The following RANBP2 variants were observed in gnomAD, a reference collection of about 807,000 sequenced individuals.
RANBP2 encodes the protein RAN binding protein 2.
In RANBP2, 57 loss-of-function variants were observed where a neutral mutation model predicts 303.6. The ratio of observed to expected loss-of-function variants is 0.19; its 90% CI spans 0.15 to 0.23. The LOEUF is 0.23. Among genes scored for constraint, RANBP2 ranks in the 10% least tolerant of loss-of-function variants. The pLI is 1.00. For synonymous variants in RANBP2, 1,167 were observed against 1,301.5 expected (o/e 0.90, Z 2.23); for missense variants, 3,138 against 3,780.8 (o/e 0.83, Z 4.46).
chr2:109,475,096 G>A, the RANBP2 span, among the ~76,000 whole-genome samples: 5 of 152,172 alleles, frequency 3.3e-5, no homozygotes, highest in African/African-American at 1.2e-4. Flanking sequence ...TCCTGCCTCA[G>A]CCTCTTGAGT....
At chr2:109,501,898 C>G in the RANBP2 span, 2 of 514,082 alleles carry the variant, frequency 3.9e-6, no homozygotes, top group Non-Finnish European at 7.0e-6. Context: ...GAAATGCCCA[C>G]CCCCTCTGTG....
chr2:109,698,205 T>C, the RANBP2 span, among the ~76,000 whole-genome samples: 1 of 152,172 alleles, frequency 6.6e-6, no homozygotes, highest in Non-Finnish European at 1.5e-5. Flanking sequence ...TAACCCAGTT[T>C]TTTTTTTGCA....
At chr2:109,328,239 G>A in the RANBP2 span, among the ~76,000 whole-genome samples, 1 of 152,136 alleles carries the variant, frequency 6.6e-6, no homozygotes, top group East Asian at 1.9e-4. Context: ...TGCTTGTTTT[G>A]TTCAAACCTG....
At chr2:109,612,556 T>G in the RANBP2 span, among the ~76,000 whole-genome samples, 3 of 152,204 alleles carry the variant, frequency 2.0e-5, no homozygotes, top group Non-Finnish European at 4.4e-5. Flanking sequence ...CGAAAATAAG[T>G]AAAGTTAGCC....
chr2:108,766,012 T>C lies in RANBP2; in HGVS notation c.5473T>C (p.Ser1825Pro). 1 of 1,614,154 alleles carries C rather than the reference T, an allele frequency of 6.2e-7. No homozygotes were observed. The highest frequency in any genetic ancestry group is 8.5e-7 in the Non-Finnish European group (1 of 1,179,992). ...AGCTCCTTCAGCTTTCACACTGGGC[T>C]CAGAAATGAAGTTGCATGACTCTTC... Reference protein sequence around the residue: ...AEAPSAFTLGSEMKLHDSSGS... With the variant: ...AEAPSAFTLGPEMKLHDSSGS... The change falls in exon 20 of 29, where the codon TCA becomes CCA. Residue 1825 changes from serine to proline, a missense_variant. Ser to Pro is a moderately conservative substitution (Grantham distance 74). Transcript: ENST00000283195.
the RANBP2 span, among the ~76,000 whole-genome samples, chr2:108,962,284 G>A: frequency 6.6e-6 from 1 of 152,182 alleles, no homozygotes; most frequent in African/African-American, 2.4e-5. Flanking sequence ...TATGAAATAG[G>A]TAGGTTGTGT....
chr2:109,724,607 G>A, the RANBP2 span, among the ~76,000 whole-genome samples: 1 of 152,126 alleles, frequency 6.6e-6, no homozygotes, highest in African/African-American at 2.4e-5. Context: ...AAACCCCAAG[G>A]GTGCGCCTTG....
At chr2:108,928,908 A>G in the RANBP2 span, among the ~76,000 whole-genome samples, 1 of 152,238 alleles carries the variant, frequency 6.6e-6, no homozygotes, top group Non-Finnish European at 1.5e-5. Context: ...GCGCTACTGC[A>G]CTGTAAGTAT....
chr2:109,496,059 G>A, the RANBP2 span, among the ~76,000 whole-genome samples: 3 of 152,178 alleles, frequency 2.0e-5, no homozygotes, highest in Admixed American at 1.3e-4. Flanking sequence ...CCACCGGGTT[G>A]CCCTGGGGTG....
the RANBP2 span, among the ~76,000 whole-genome samples, chr2:109,160,931 T>C: frequency 2.6e-5 from 4 of 152,064 alleles, no homozygotes; most frequent in Non-Finnish European, 5.9e-5. Context: ...GATTAGAGCC[T>C]CAACCAGGGG....
chr2:109,008,698 C>T, the RANBP2 span, among the ~76,000 whole-genome samples: 1 of 151,328 alleles, frequency 6.6e-6, no homozygotes, highest in African/African-American at 2.4e-5. Flanking sequence ...GTCAGGAGAT[C>T]GAGACCATCC....
chr2:109,691,251 G>T, the RANBP2 span, among the ~76,000 whole-genome samples: 2 of 152,172 alleles, frequency 1.3e-5, no homozygotes, highest in Non-Finnish European at 2.9e-5. Flanking sequence ...TGGACTATTG[G>T]GAGAGAAATT....
the RANBP2 span, among the ~76,000 whole-genome samples, chr2:109,249,487 T>TTC: frequency 1.9e-4 from 4 of 21,494 alleles, no homozygotes; most frequent in Non-Finnish European, 2.8e-4. Context: ...CTTTCTTTCT[T>TTC]TCTTTCTTTC....
At chr2:109,505,149 G>A in the RANBP2 span, among the ~76,000 whole-genome samples, 2 of 152,190 alleles carry the variant, frequency 1.3e-5, no homozygotes, top group African/African-American at 4.8e-5. Flanking sequence ...GGGGGTGCAG[G>A]GAATCCCACC....
the RANBP2 span, among the ~76,000 whole-genome samples, chr2:109,135,435 A>G: frequency 6.6e-6 from 1 of 152,228 alleles, no homozygotes; most frequent in Non-Finnish European, 1.5e-5. Context: ...ACTTGTTATC[A>G]GTGAATTAGG....
the RANBP2 span, among the ~76,000 whole-genome samples, chr2:109,170,305 TTCTCTTCTCTCCTCTCTC>T: frequency 4.1e-5 from 5 of 121,358 alleles, no homozygotes; most frequent in Admixed American, 1.7e-4. Context: ...TTCTCTTCTC[TTCTCTTCTCTCCTCTCTC>T]TCTCTCCTCT....
the RANBP2 span, among the ~76,000 whole-genome samples, chr2:108,902,983 A>G: frequency 0.069 from 10,581 of 152,288 alleles, 469 homozygotes; most frequent in South Asian, 0.15. Context: ...AGATGTGATT[A>G]TCTATGTAGA....
In RANBP2 at chr2:108,767,382, T is replaced by A; in HGVS notation, c.6843T>A (p.Pro2281=). Residue 2281 remains proline, a synonymous_variant, in exon 20 of 29, where the codon CCT becomes CCA. Coordinates refer to ENST00000283195, the MANE Select transcript of RANBP2 (RefSeq NM_006267.5). ...FKSALSPSKS[P]AKLNQSGTSV... is the part of the protein sequence containing the mutation. ...CTGCTTTGAGTCCATCTAAGTCTCCTGCCAAGTTGAATCAGAGTGGGACTT... is the reference window on the plus strand; with the variant it reads ...CTGCTTTGAGTCCATCTAAGTCTCCAGCCAAGTTGAATCAGAGTGGGACTT... 1 of 1,612,018 alleles carries A rather than the reference T, an allele frequency of 6.2e-7. No individual in the cohort carries two copies. Among genetic ancestry groups the A allele is most frequent in the South Asian group, 1.1e-5 (1 of 90,992 alleles).
the RANBP2 span, among the ~76,000 whole-genome samples, chr2:109,406,615 C>CA: frequency 1.3e-5 from 2 of 152,272 alleles, no homozygotes; most frequent in South Asian, 2.1e-4. Context: ...CAGGGTCACA[C>CA]ACGCCCATTT....
Sources: gnomAD v4.1 joint callset for allele counts (sites outside exome capture counted in the v4.1 genomes callset) on GRCh38, gnomAD v4.1.1 for gene constraint, MANE v1.5 for transcripts, NCBI Gene and HGNC (gene_info 2026-07-23, HGNC 2026-07-21) for gene names.